Variants in NKAIN2 observed in about 807,000 individuals in gnomAD.
NKAIN2 encodes sodium/potassium transporting ATPase interacting 2.
A neutral mutation model predicts 32.6 loss-of-function variants in NKAIN2; 14 were observed. The ratio of observed to expected loss-of-function variants is 0.43; its 90% CI spans 0.28 to 0.67. The LOEUF (loss-of-function observed/expected upper bound fraction) is 0.67, where lower values mean the gene tolerates loss of function less well. Ranked by LOEUF, NKAIN2 falls within the 30% of genes least tolerant of loss-of-function variation. The pLI is 0.17. For missense variants in NKAIN2, 198 were observed against 258.3 expected, an observed-to-expected ratio of 0.77 and a Z score of 1.60; for synonymous variants, 80 against 87.2, an observed-to-expected ratio of 0.92 and a Z score of 0.46.
intron 1 of NKAIN2, among the ~76,000 whole-genome samples, chr6:123,895,198 G>GAC (rs1054544992): frequency 3.2e-4 from 48 of 149,856 alleles, no homozygotes; most frequent in South Asian, 3.0e-3. Context: ...CTCTCACACA[G>GAC]ACACACACAC....
chr6:123,950,610 G>A (rs200835471), intron 1 of NKAIN2, among the ~76,000 whole-genome samples: 1 of 151,106 alleles, frequency 6.6e-6, no homozygotes, highest in Non-Finnish European at 1.5e-5. Flanking sequence ...TAGTCTCGAT[G>A]ATCTTTTGTA....
At chr6:124,587,019 C>T (rs1401066759) in intron 3 of NKAIN2, among the ~76,000 whole-genome samples, 1 of 152,100 alleles carries the variant, frequency 6.6e-6, no homozygotes, top group Non-Finnish European at 1.5e-5. Flanking sequence ...CCCTAGTTTC[C>T]AGGGACTGGG....
chr6:124,427,076 C>A (rs1775015054), intron 3 of NKAIN2, among the ~76,000 whole-genome samples: 1 of 152,106 alleles, frequency 6.6e-6, no homozygotes, highest in African/African-American at 2.4e-5. Flanking sequence ...AATATTACAA[C>A]CATTTTGGAA....
At chr6:124,732,183 A>T (rs1776715128) in intron 4 of NKAIN2, among the ~76,000 whole-genome samples, 1 of 152,098 alleles carries the variant, frequency 6.6e-6, no homozygotes, top group Non-Finnish European at 1.5e-5. Flanking sequence ...AAGAGGCTCC[A>T]TCTTCTCCAG....
chr6:123,806,390 G>T (rs909309855), intron 1 of NKAIN2, among the ~76,000 whole-genome samples: 20 of 152,004 alleles, frequency 1.3e-4, no homozygotes, highest in Non-Finnish European at 5.9e-5. Flanking sequence ...AAAGGACAAA[G>T]AAAATGCAAT....
intron 4 of NKAIN2, among the ~76,000 whole-genome samples, chr6:124,720,393 T>C (rs1479578420): frequency 6.6e-6 from 1 of 152,214 alleles, no homozygotes; most frequent in Non-Finnish European, 1.5e-5. Context: ...GATGCTTGAT[T>C]AATTAATTTT....
chr6:124,682,506 G>GT (rs1037035448), intron 4 of NKAIN2, among the ~76,000 whole-genome samples: 2 of 152,132 alleles, frequency 1.3e-5, no homozygotes, highest in South Asian at 4.1e-4. Context: ...TAGAGCCAGT[G>GT]TTTTTGTAAG....
At chr6:124,806,064 T>G (rs906926272) in intron 5 of NKAIN2, among the ~76,000 whole-genome samples, 7 of 152,196 alleles carry the variant, frequency 4.6e-5, no homozygotes, top group African/African-American at 1.7e-4. Context: ...GAAAACATTC[T>G]GCAGGATATT....
intron 1 of NKAIN2, among the ~76,000 whole-genome samples, chr6:124,263,023 G>A (rs1293352738): frequency 7.2e-5 from 11 of 152,156 alleles, no homozygotes; most frequent in Non-Finnish European, 1.5e-5. Flanking sequence ...ATGACAAATA[G>A]TAACCATTTA....
intron 3 of NKAIN2, among the ~76,000 whole-genome samples, chr6:124,627,327 T>C (rs1783392624): frequency 6.6e-6 from 1 of 151,972 alleles, no homozygotes; most frequent in Non-Finnish European, 1.5e-5. Context: ...CTATGAGAAA[T>C]GCATTTTTAA....
chr6:124,307,131 A>G lies in NKAIN2; in HGVS notation c.192+23989A>G, dbSNP rs185376106. On this transcript the variant is annotated intron_variant, in intron 2 of 6. Coordinates refer to ENST00000368417, the MANE Select transcript of NKAIN2 (RefSeq NM_001040214.3). ...AAAATTGTTTTTCTGACATAAATTT[A>G]GTATATATCATAGTCAATATGAATG... 1.1e-3 allele frequency among the ~76,000 whole-genome samples: 175 copies of G among 152,240 alleles called. 1 individual carries two copies. The highest frequency in any genetic ancestry group is 3.4e-3 in the Middle Eastern group (1 of 294).
intron 1 of NKAIN2, among the ~76,000 whole-genome samples, chr6:123,851,190 A>T (rs1775327345): frequency 6.9e-6 from 1 of 144,284 alleles, no homozygotes; most frequent in African/African-American, 2.6e-5. Flanking sequence ...TACTGATTTC[A>T]TTTCCTTTGG....
At chr6:124,718,757 C>T (rs1295990325) in intron 4 of NKAIN2, among the ~76,000 whole-genome samples, 1 of 148,668 alleles carries the variant, frequency 6.7e-6, no homozygotes, top group East Asian at 2.0e-4. Context: ...AAGTTAAGTG[C>T]TTGAAAGTGA....
chr6:124,714,547 T>C (rs1237514341), intron 4 of NKAIN2, among the ~76,000 whole-genome samples: 1 of 152,154 alleles, frequency 6.6e-6, no homozygotes, highest in Non-Finnish European at 1.5e-5. Context: ...AAAACAACAT[T>C]TGTGTGTGGC....
intron 3 of NKAIN2, among the ~76,000 whole-genome samples, chr6:124,627,899 TACTC>T (rs1381808030): frequency 6.6e-6 from 1 of 152,090 alleles, no homozygotes; most frequent in Non-Finnish European, 1.5e-5. Flanking sequence ...CACATTCACA[TACTC>T]ACATACACTC....
chr6:124,442,018 C>T (rs1393450161), intron 3 of NKAIN2, among the ~76,000 whole-genome samples: 2 of 151,996 alleles, frequency 1.3e-5, no homozygotes, highest in Non-Finnish European at 2.9e-5. Context: ...AGTCTTCTGT[C>T]GTGTTGGCAG....
At chr6:124,527,188 T>C (rs1487451975) in intron 3 of NKAIN2, among the ~76,000 whole-genome samples, 1 of 152,140 alleles carries the variant, frequency 6.6e-6, no homozygotes, top group Non-Finnish European at 1.5e-5. Flanking sequence ...GTCAATATGG[T>C]GCCTATGGAA....
chr6:124,637,501 T>C (rs542735036), intron 3 of NKAIN2, among the ~76,000 whole-genome samples: 1 of 152,092 alleles, frequency 6.6e-6, no homozygotes, highest in South Asian at 2.1e-4. Context: ...AAATAAATTT[T>C]TGCATTATTT....
intron 3 of NKAIN2, among the ~76,000 whole-genome samples, chr6:124,517,841 G>T (rs1778972895): frequency 6.6e-6 from 1 of 152,070 alleles, no homozygotes; most frequent in Admixed American, 6.6e-5. Context: ...CCAAGAACGT[G>T]CTAATTCCAA....
Sources: allele counts gnomAD v4.1 joint callset (sites outside exome capture counted in the v4.1 genomes callset), GRCh38; gene constraint gnomAD v4.1.1; transcripts MANE v1.5; gene names NCBI Gene and HGNC (gene_info 2026-07-23, HGNC 2026-07-21).